The following TSPAN15 variants were observed in gnomAD, a reference collection of about 807,000 sequenced individuals.
The protein encoded by TSPAN15 is tetraspanin 15.
A neutral mutation model predicts 34.5 loss-of-function variants in TSPAN15; 20 were observed. The observed-to-expected ratio is 0.58, with a 90% CI of 0.41 to 0.84. TSPAN15 has a LOEUF of 0.84. Ranked by LOEUF, TSPAN15 falls within the 40% of genes least tolerant of loss-of-function variation. The pLI is 0.00. For synonymous variants in TSPAN15, 155 were observed against 153.9 expected (o/e 1.01, Z -0.05); for missense variants, 313 against 386.1 (o/e 0.81, Z 1.59).
intron 3 of TSPAN15, among the ~76,000 whole-genome samples, chr10:69,493,119 C>G (rs1405125374): frequency 6.6e-6 from 1 of 152,244 alleles, no homozygotes; most frequent in Admixed American, 6.5e-5. Context: ...CCCCAGCCAG[C>G]TGGCCTGTCC....
intron 5 of TSPAN15, among the ~76,000 whole-genome samples, chr10:69,501,739 G>A (rs1201987444): frequency 1.3e-5 from 2 of 152,172 alleles, no homozygotes; most frequent in Non-Finnish European, 2.9e-5. Context: ...AACCAGTACC[G>A]GTCAGTGGCT....
chr10:69,536,888 G>A, the TSPAN15 span, among the ~76,000 whole-genome samples: 2 of 151,708 alleles, frequency 1.3e-5, no homozygotes, highest in Non-Finnish European at 2.9e-5. Context: ...GGAGGCTGAG[G>A]CATGAGAATC....
chr10:69,462,072 C>T (rs906949713), intron 1 of TSPAN15, among the ~76,000 whole-genome samples: 15 of 151,820 alleles, frequency 9.9e-5, no homozygotes, highest in African/African-American at 3.6e-4. Flanking sequence ...CCTTGACCTC[C>T]TGGGCTCAAG....
intron 1 of TSPAN15, among the ~76,000 whole-genome samples, chr10:69,460,934 G>A (rs1293479114): frequency 1.3e-5 from 2 of 152,154 alleles, no homozygotes; most frequent in African/African-American, 4.8e-5. Context: ...GGCGGGTGAG[G>A]AGAAGGTCCA....
At chr10:69,531,771 A>C in the TSPAN15 span, among the ~76,000 whole-genome samples, 1 of 152,212 alleles carries the variant, frequency 6.6e-6, no homozygotes, top group Non-Finnish European at 1.5e-5. Context: ...CGATTATCTC[A>C]ATAGATGCAG....
intron 1 of TSPAN15, among the ~76,000 whole-genome samples, chr10:69,472,496 A>G (rs1008790377): frequency 6.6e-6 from 1 of 152,152 alleles, no homozygotes; most frequent in Admixed American, 6.5e-5. Flanking sequence ...CTCCTTGAGG[A>G]CAGGAACTCA....
the TSPAN15 span, among the ~76,000 whole-genome samples, chr10:69,518,764 A>G: frequency 1.3e-5 from 2 of 152,282 alleles, no homozygotes; most frequent in South Asian, 4.2e-4. Context: ...CAGTAAAATT[A>G]ACAATGTGCA....
At chr10:69,511,491 C>T (rs1359831054), downstream of TSPAN15, among the ~76,000 whole-genome samples, 1 of 151,956 alleles carries the variant, frequency 6.6e-6, no homozygotes, top group Non-Finnish European at 1.5e-5. Flanking sequence ...GTCTTGCTAG[C>T]GGTCTATTTT....
the TSPAN15 span, among the ~76,000 whole-genome samples, chr10:69,530,599 A>G: frequency 1.4e-5 from 2 of 145,852 alleles, no homozygotes; most frequent in African/African-American, 5.0e-5. Context: ...TGAGGTCAGG[A>G]GTTCGAGACC....
chr10:69,473,000 A>G (rs187499770), intron 1 of TSPAN15, among the ~76,000 whole-genome samples: 11 of 152,366 alleles, frequency 7.2e-5, no homozygotes, highest in Non-Finnish European at 1.5e-4. Context: ...TATGCTGTCC[A>G]TAAGAGATAC....
intron 3 of TSPAN15, among the ~76,000 whole-genome samples, chr10:69,488,222 C>T (rs1841895601): frequency 6.6e-6 from 1 of 151,962 alleles, no homozygotes. Flanking sequence ...AAATAATATC[C>T]CTTCCAACTC....
chr10:69,504,757 T>A (rs1842290789), intron 6 of TSPAN15, among the ~76,000 whole-genome samples: 1 of 152,158 alleles, frequency 6.6e-6, no homozygotes, highest in Admixed American at 6.5e-5. Flanking sequence ...CGGCGCTTCC[T>A]GGTACCCGCA....
chr10:69,490,668 C>T (rs1841948978), intron 3 of TSPAN15, among the ~76,000 whole-genome samples: 1 of 152,206 alleles, frequency 6.6e-6, no homozygotes, highest in Admixed American at 6.5e-5. Context: ...CTGCAGTGAG[C>T]CATGATCGTG....
At position 69,506,806 on chromosome 10, in the gene TSPAN15, C is replaced by T; in HGVS notation, c.736-23C>T. ...TGCCCTGATTCCCAGCAGGCCCTCA[C>T]CAGCCCTGCCCCTTCTTCTCAGTTC... On this transcript the variant is annotated intron_variant, in intron 7 of 7. Transcript: ENST00000373290. The surrounding 1 kb of genome is among the most constrained non-coding windows in gnomAD (Gnocchi z 4.7). The T allele has an allele frequency of 6.4e-7, 1 of 1,558,680 alleles. No individual in the cohort carries two copies. The highest frequency in any genetic ancestry group is 8.7e-7 in the Non-Finnish European group (1 of 1,150,606).
chr10:69,459,516 C>A (rs1215442587), intron 1 of TSPAN15, among the ~76,000 whole-genome samples: 2 of 150,764 alleles, frequency 1.3e-5, no homozygotes, highest in Non-Finnish European at 3.0e-5. Context: ...GAGAAGGAGC[C>A]AGCCATAAAG....
intron 1 of TSPAN15, 22 bp downstream of exon 1, chr10:69,451,712 C>T (rs1056279372): frequency 1.4e-6 from 2 of 1,439,764 alleles, no homozygotes; most frequent in Non-Finnish European, 1.8e-6. Context: ...CAGTAGGGCC[C>T]GGGGATGGGG....
intron 5 of TSPAN15, 81 bp from the exon 6 acceptor site, chr10:69,504,357 A>G (rs987268897): frequency 7.1e-7 from 1 of 1,408,126 alleles, no homozygotes; most frequent in East Asian, 2.3e-5. Context: ...TTCGGTTTTC[A>G]TCTGTAAAAT....
intron 2 of TSPAN15, 52 bp from the exon 3 acceptor site, chr10:69,485,089 C>A: frequency 6.4e-7 from 1 of 1,552,598 alleles, no homozygotes; most frequent in Non-Finnish European, 8.9e-7. Context: ...CCCTGTACCC[C>A]ACACACGCCC....
chr10:69,478,740 T>C (rs1841669329), intron 1 of TSPAN15, among the ~76,000 whole-genome samples: 1 of 152,264 alleles, frequency 6.6e-6, no homozygotes, highest in South Asian at 2.1e-4. Flanking sequence ...GATACAATTA[T>C]TAACATTTTA....
Sources: allele counts gnomAD v4.1 joint callset (sites outside exome capture counted in the v4.1 genomes callset), GRCh38; gene constraint gnomAD v4.1.1; non-coding constraint Gnocchi (gnomAD v3.1); transcripts MANE v1.5; gene names NCBI Gene and HGNC (gene_info 2026-07-23, HGNC 2026-07-21).